The following OLA1 variants were observed in gnomAD, a reference collection of about 807,000 sequenced individuals.
OLA1 encodes obg-like ATPase 1.
Under a neutral mutation model 48.4 loss-of-function variants are expected in OLA1, and 14 were observed. The ratio of observed to expected loss-of-function variants is 0.29; its 90% CI spans 0.19 to 0.45. The LOEUF (loss-of-function observed/expected upper bound fraction) is 0.45, where lower values mean the gene tolerates loss of function less well. OLA1 is among the 20% of genes least tolerant of loss of function. The pLI is 1.00. For synonymous variants in OLA1, 127 were observed against 150.4 expected (o/e 0.84, Z 1.14); for missense variants, 325 against 467.1 (o/e 0.70, Z 2.80).
chr2:174,136,849 G>A (rs1261574562), intron 5 of OLA1, among the ~76,000 whole-genome samples: 1 of 146,898 alleles, frequency 6.8e-6, no homozygotes, highest in African/African-American at 2.5e-5. Context: ...TTTTTTTTTT[G>A]TATTTTCAGT....
intron 4 of OLA1, among the ~76,000 whole-genome samples, chr2:174,188,199 G>A (rs1442545091): frequency 6.6e-6 from 1 of 152,046 alleles, no homozygotes; most frequent in Non-Finnish European, 1.5e-5. Context: ...ACAGAACAAG[G>A]AATCATGTCA....
intron 4 of OLA1, among the ~76,000 whole-genome samples, chr2:174,156,420 T>G (rs1686878671): frequency 6.6e-6 from 1 of 152,110 alleles, no homozygotes; most frequent in African/African-American, 2.4e-5. Context: ...CCAAAAGATA[T>G]TACCATAGGT....
chr2:174,137,451 C>T (rs780914919), intron 5 of OLA1, among the ~76,000 whole-genome samples: 1 of 152,194 alleles, frequency 6.6e-6, no homozygotes. Context: ...AGTCACCAAC[C>T]GCATTAGCCC....
chr2:174,139,135 C>T (rs1686379898), intron 5 of OLA1, among the ~76,000 whole-genome samples: 1 of 152,158 alleles, frequency 6.6e-6, no homozygotes, highest in Non-Finnish European at 1.5e-5. Context: ...AGAAAGTGAA[C>T]TTATTTGGGA....
At chr2:174,213,764 C>A (rs1021087261) in intron 4 of OLA1, among the ~76,000 whole-genome samples, 10 of 152,062 alleles carry the variant, frequency 6.6e-5, no homozygotes, top group African/African-American at 1.9e-4. Flanking sequence ...GCCGTTTTAT[C>A]TGAGCATGAT....
intron 4 of OLA1, among the ~76,000 whole-genome samples, chr2:174,207,957 A>G (rs775230968): frequency 2.0e-5 from 3 of 152,128 alleles, no homozygotes; most frequent in Non-Finnish European, 4.4e-5. Context: ...AAATATAGGC[A>G]CTCGTGGAAC....
Position 174,103,631 on chromosome 2 carries a change from G to A in OLA1, c.728+19549C>T, listed in dbSNP as rs1174859792. On this transcript the variant is annotated intron_variant, in intron 7 of 10. Coordinates refer to ENST00000284719, the MANE Select transcript of OLA1 (RefSeq NM_013341.5). ...CTAAAAGTCAGTGTTGAACAAAAGG[G>A]ATACATTCAATGGATTTCATCCAGC... is the stretch of plus-strand genomic sequence containing the variant. 2.0e-5 allele frequency among the ~76,000 whole-genome samples: 3 copies of A among 152,144 alleles called. No homozygotes were observed. In the East Asian group the frequency reaches 5.8e-4, roughly 29 times the overall value.
intron 4 of OLA1, among the ~76,000 whole-genome samples, chr2:174,163,727 T>C (rs1281215473): frequency 3.0e-4 from 3 of 10,006 alleles, no homozygotes; most frequent in East Asian, 2.7e-3. Context: ...TATATATATA[T>C]ATATATATAT....
chr2:174,099,161 T>A (rs1685324517), intron 7 of OLA1, among the ~76,000 whole-genome samples: 1 of 136,168 alleles, frequency 7.3e-6, no homozygotes, highest in African/African-American at 2.9e-5. Context: ...ATTTTATTTA[T>A]TTTTTTTTTT....
chr2:174,150,208 T>C (rs1210732324), intron 4 of OLA1, among the ~76,000 whole-genome samples: 1 of 152,182 alleles, frequency 6.6e-6, no homozygotes, highest in African/African-American at 2.4e-5. Context: ...TCATGGATTT[T>C]TGGGTTATCA....
intron 4 of OLA1, among the ~76,000 whole-genome samples, chr2:174,169,309 G>A (rs1687244457): frequency 6.6e-6 from 1 of 152,028 alleles, no homozygotes; most frequent in Non-Finnish European, 1.5e-5. Context: ...AAAAAAACTT[G>A]AAGCATTAAT....
intron 4 of OLA1, among the ~76,000 whole-genome samples, chr2:174,155,603 C>T (rs1383037101): frequency 2.0e-5 from 3 of 152,182 alleles, no homozygotes; most frequent in Non-Finnish European, 2.9e-5. Context: ...CAATTACCTT[C>T]TGAAGACTTC....
chr2:174,115,909 T>C (rs1183174194), intron 7 of OLA1, among the ~76,000 whole-genome samples: 1 of 152,244 alleles, frequency 6.6e-6, no homozygotes, highest in Non-Finnish European at 1.5e-5. Flanking sequence ...TCCATGAGAC[T>C]GTAAGTCTTC....
intron 4 of OLA1, among the ~76,000 whole-genome samples, chr2:174,157,644 TA>T (rs1479421680): frequency 6.6e-6 from 1 of 152,142 alleles, no homozygotes; most frequent in Non-Finnish European, 1.5e-5. Flanking sequence ...CCTGGCTGTT[TA>T]AAAAAACTAT....
At chr2:174,110,218 C>A (rs940209803) in intron 7 of OLA1, among the ~76,000 whole-genome samples, 1 of 150,826 alleles carries the variant, frequency 6.6e-6, no homozygotes, top group Non-Finnish European at 1.5e-5. Flanking sequence ...CTCACTGCAA[C>A]CTCCACCTCC....
chr2:174,130,613 A>G (rs1279401565), intron 5 of OLA1, among the ~76,000 whole-genome samples: 1 of 152,230 alleles, frequency 6.6e-6, no homozygotes, highest in African/African-American at 2.4e-5. Flanking sequence ...AACTGTCCCT[A>G]TGATTCCTGA....
At chr2:174,123,386 T>A (rs151192030) in intron 6 of OLA1, 109 bp from the exon 7 acceptor site, 1 of 619,480 alleles carries the variant, frequency 1.6e-6, no homozygotes, top group East Asian at 3.1e-5. Flanking sequence ...GGCATTTTCA[T>A]TTTTATAATT....
In OLA1 at chr2:174,246,451, T is replaced by A. The variant is rs144268768; in HGVS notation, c.101+264A>T. Among the ~76,000 whole-genome samples the A allele has an allele frequency of 1.3e-3, 204 of 152,340 alleles. 1 individual carries two copies. The highest frequency in any genetic ancestry group is 6.8e-3 in the Middle Eastern group (2 of 294). ...ACCTCCTTCTCCATCAAGCTTATTA[T>A]GGTGGAGCTTTCAAATCAATTTCCT... On this transcript the variant is annotated intron_variant, in intron 2 of 10. Coordinates refer to ENST00000284719, the MANE Select transcript of OLA1 (RefSeq NM_013341.5).
chr2:174,097,579 G>A (rs563770609), intron 7 of OLA1, among the ~76,000 whole-genome samples: 2 of 151,924 alleles, frequency 1.3e-5, no homozygotes, highest in African/African-American at 4.8e-5. Context: ...GAGGTGGGTG[G>A]ATCACTTGGG....
Sources: gnomAD v4.1 joint callset for allele counts (sites outside exome capture counted in the v4.1 genomes callset) on GRCh38, gnomAD v4.1.1 for gene constraint, MANE v1.5 for transcripts, NCBI Gene and HGNC (gene_info 2026-07-23, HGNC 2026-07-21) for gene names.